Variants in SLIT3 observed in about 807,000 individuals in gnomAD.
SLIT3 encodes the protein slit homolog 3 protein.
A neutral mutation model predicts 184.0 loss-of-function variants in SLIT3; 68 were observed. The observed-to-expected ratio is 0.37, with a 90% CI of 0.30 to 0.45. SLIT3 has a LOEUF of 0.45. Among genes scored for constraint, SLIT3 ranks in the 20% least tolerant of loss-of-function variants. The pLI, the probability that SLIT3 is intolerant of heterozygous loss-of-function variation, is 1.00. For missense variants in SLIT3, 1,707 were observed against 2,026.0 expected, an observed-to-expected ratio of 0.84 and a Z score of 3.02; for synonymous variants, 831 against 828.6, an observed-to-expected ratio of 1.00 and a Z score of -0.05.
At chr5:169,075,933 G>T (rs919044719) in intron 4 of SLIT3, among the ~76,000 whole-genome samples, 2 of 152,224 alleles carry the variant, frequency 1.3e-5, no homozygotes, top group African/African-American at 4.8e-5. Flanking sequence ...CCTGCCAGAA[G>T]AGTTGGGGGA....
At chr5:168,756,960 CAGAA>C in intron 16 of SLIT3, among the ~76,000 whole-genome samples, 1 of 152,168 alleles carries the variant, frequency 6.6e-6, no homozygotes, top group Admixed American at 6.5e-5. Context: ...GAATGGAAAA[CAGAA>C]GGAGAGTAAA....
chr5:168,881,318 C>T (rs905806), intron 5 of SLIT3, among the ~76,000 whole-genome samples: 2 of 152,172 alleles, frequency 1.3e-5, no homozygotes, highest in East Asian at 3.9e-4. Context: ...GGAAAAGAGA[C>T]CCTGTAAAAC....
chr5:168,755,499 A>G (rs1323346248), intron 16 of SLIT3, among the ~76,000 whole-genome samples: 2 of 150,150 alleles, frequency 1.3e-5, no homozygotes, highest in Admixed American at 6.7e-5. Context: ...CAATGGCGCA[A>G]TCTTGGCTCA....
intron 1 of SLIT3, among the ~76,000 whole-genome samples, chr5:169,255,699 C>T (rs774230664): frequency 8.6e-5 from 13 of 152,026 alleles, no homozygotes; most frequent in Non-Finnish European, 1.6e-4. Context: ...CTGGCTAACA[C>T]GGTGAAACCC....
intron 5 of SLIT3, among the ~76,000 whole-genome samples, chr5:168,876,736 C>A (rs530322231): frequency 6.6e-6 from 1 of 152,290 alleles, no homozygotes; most frequent in African/African-American, 2.4e-5. Flanking sequence ...CCTATGACTG[C>A]GGGTTTACTA....
chr5:169,256,627 G>A (rs1036341535), intron 1 of SLIT3, among the ~76,000 whole-genome samples: 1 of 152,128 alleles, frequency 6.6e-6, no homozygotes, highest in Non-Finnish European at 1.5e-5. Flanking sequence ...ATAGAGAGGT[G>A]GAACAGAAAG....
chr5:169,068,400 C>T (rs921660296), intron 4 of SLIT3, among the ~76,000 whole-genome samples: 2 of 152,094 alleles, frequency 1.3e-5, no homozygotes, highest in African/African-American at 4.8e-5. Flanking sequence ...AGGTATCGAG[C>T]TAGGTGCTGA....
intron 12 of SLIT3, among the ~76,000 whole-genome samples, chr5:168,781,812 T>C (rs549702151): frequency 7.2e-5 from 11 of 152,156 alleles, no homozygotes; most frequent in Non-Finnish European, 1.5e-4. Flanking sequence ...TGGATGGATG[T>C]GCTGTGGTTA....
intron 16 of SLIT3, among the ~76,000 whole-genome samples, chr5:168,755,389 A>ATTTATTTATTTCCTTTCTTTCTTTCTTTC (rs1213373035): frequency 7.5e-6 from 1 of 133,640 alleles, no homozygotes; most frequent in Non-Finnish European, 1.7e-5. Context: ...CAGTGCCGCC[A>ATTTATTTATTTCCTTTCTTTCTTTCTTTC]TTTCTTTCTT....
At position 168,811,768 on chromosome 5, in the gene SLIT3, A is replaced by G. The variant is rs567756029; in HGVS notation, c.794-5181T>C. Among the ~76,000 whole-genome samples the G allele has an allele frequency of 1.1e-4, 17 of 152,380 alleles. No individual in the cohort carries two copies. The South Asian group carries it at 3.5e-3, about 32-fold the overall frequency. On this transcript the variant is annotated intron_variant, in intron 8 of 35. Coordinates refer to ENST00000519560, the MANE Select transcript of SLIT3 (RefSeq NM_003062.4). Reference sequence around the variant, plus strand: ...GGAACTCTTATACACTGTTGGTGAGAATGTCAATTAGTACAGCTACAACGG... The same window carrying G: ...GGAACTCTTATACACTGTTGGTGAGGATGTCAATTAGTACAGCTACAACGG...
intron 4 of SLIT3, among the ~76,000 whole-genome samples, chr5:168,900,382 A>G (rs1024690491): frequency 6.6e-6 from 1 of 152,210 alleles, no homozygotes; most frequent in African/African-American, 2.4e-5. Flanking sequence ...TGGGAGGCTG[A>G]GGTAGGCAGA....
chr5:168,987,664 C>T (rs1469686249), intron 4 of SLIT3, among the ~76,000 whole-genome samples: 1 of 152,232 alleles, frequency 6.6e-6, no homozygotes, highest in African/African-American at 2.4e-5. Context: ...CTCACTGCCT[C>T]GTACCCTATA....
chr5:168,805,577 A>G (rs1466577602), intron 9 of SLIT3, among the ~76,000 whole-genome samples: 3 of 152,252 alleles, frequency 2.0e-5, no homozygotes, highest in Non-Finnish European at 4.4e-5. Context: ...AGAATGAGAT[A>G]CTGGCCATTT....
At chr5:168,988,488 G>A (rs1045532274) in intron 4 of SLIT3, among the ~76,000 whole-genome samples, 40 of 152,128 alleles carry the variant, frequency 2.6e-4, no homozygotes, top group African/African-American at 9.4e-4. Flanking sequence ...CTAACTCTCA[G>A]CTCTTTCCAA....
chr5:168,776,682 C>T (rs1357213536), intron 12 of SLIT3, among the ~76,000 whole-genome samples: 1 of 152,164 alleles, frequency 6.6e-6, no homozygotes. Context: ...AATTCCGATG[C>T]TTTGTGTATT....
chr5:169,109,311 T>C (rs1312194767), intron 4 of SLIT3, among the ~76,000 whole-genome samples: 1 of 152,194 alleles, frequency 6.6e-6, no homozygotes, highest in Non-Finnish European at 1.5e-5. Flanking sequence ...GGATGGTTTC[T>C]CACCAACAGC....
chr5:168,822,779 TG>T (rs962027048), intron 7 of SLIT3, among the ~76,000 whole-genome samples: 1 of 151,976 alleles, frequency 6.6e-6, no homozygotes, highest in Non-Finnish European at 1.5e-5. Context: ...ATGTGCTGGG[TG>T]GGGGCTGGCT....
At chr5:169,008,799 C>T (rs1387273643) in intron 4 of SLIT3, among the ~76,000 whole-genome samples, 1 of 152,178 alleles carries the variant, frequency 6.6e-6, no homozygotes, top group Non-Finnish European at 1.5e-5. Context: ...TCCTTTGCCT[C>T]ACAGATAAAC....
At chr5:169,073,078 T>A (rs1758613108) in intron 4 of SLIT3, among the ~76,000 whole-genome samples, 1 of 152,200 alleles carries the variant, frequency 6.6e-6, no homozygotes, top group Admixed American at 6.5e-5. Flanking sequence ...TCGTGAATCC[T>A]TCAGGCCAGA....
Sources: gnomAD v4.1 joint callset for allele counts (sites outside exome capture counted in the v4.1 genomes callset) on GRCh38, gnomAD v4.1.1 for gene constraint, MANE v1.5 for transcripts, NCBI Gene and HGNC (gene_info 2026-07-23, HGNC 2026-07-21) for gene names.